IL34: variants seen among roughly 807,000 people sequenced by gnomAD.
IL34 encodes the protein interleukin 34.
Under a neutral mutation model 25.3 loss-of-function variants are expected in IL34, and 17 were observed. The ratio of observed to expected loss-of-function variants is 0.67; its 90% CI spans 0.46 to 1.01. IL34 has a LOEUF of 1.01. Among genes scored for constraint, IL34 ranks in the 50% least tolerant of loss-of-function variants. The pLI is 0.00. For missense variants in IL34, 368 were observed against 312.9 expected (o/e 1.18, Z -1.33); for synonymous variants, 174 against 140.9 (o/e 1.23, Z -1.66).
intron 1 of IL34, among the ~76,000 whole-genome samples, chr16:70,602,611 G>GTT: frequency 6.6e-6 from 1 of 151,958 alleles, no homozygotes; most frequent in South Asian, 2.1e-4. Flanking sequence ...GTGTGTGTGT[G>GTT]TGTGTGTGTG....
intron 1 of IL34, among the ~76,000 whole-genome samples, chr16:70,609,420 T>A (rs1465153363): frequency 6.6e-6 from 1 of 152,158 alleles, no homozygotes; most frequent in African/African-American, 2.4e-5. Context: ...GCTCGCAAGC[T>A]GTTAAGTCCT....
intron 1 of IL34, among the ~76,000 whole-genome samples, chr16:70,607,243 A>G (rs774471228): frequency 1.2e-4 from 19 of 152,074 alleles, no homozygotes; most frequent in Non-Finnish European, 2.6e-4. Context: ...CCGGGACTAC[A>G]GGTGCCCACC....
chr16:70,643,375 T>C (rs916886094), upstream of IL34, among the ~76,000 whole-genome samples: 1 of 151,934 alleles, frequency 6.6e-6, no homozygotes, highest in Non-Finnish European at 1.5e-5. Flanking sequence ...TTGCACACTT[T>C]ATTTATTTAT....
intron 1 of IL34, among the ~76,000 whole-genome samples, chr16:70,639,273 C>T (rs1324583422): frequency 1.1e-4 from 16 of 152,174 alleles, no homozygotes. Context: ...ACGTCCAGAA[C>T]CCAGCCAATC....
At chr16:70,644,983 T>G (rs1309420693), upstream of IL34, among the ~76,000 whole-genome samples, 2,767 of 64,322 alleles carry the variant, frequency 0.043, no homozygotes, top group Non-Finnish European at 0.051. Flanking sequence ...AGAAAGGGAG[T>G]AGGAGGAAGG....
chr16:70,649,793 A>ATTTTATTTTTATTTTTAT (rs10526861), intron 1 of IL34, among the ~76,000 whole-genome samples: 1 of 149,836 alleles, frequency 6.7e-6, no homozygotes, highest in African/African-American at 2.5e-5. Flanking sequence ...TTGTTTTATT[A>ATTTTATTTTTATTTTTAT]TTTTATTTTT....
intron 1 of IL34, among the ~76,000 whole-genome samples, chr16:70,609,164 G>A (rs1311474187): frequency 1.3e-5 from 2 of 152,062 alleles, no homozygotes; most frequent in African/African-American, 2.4e-5. Context: ...TGCAACCTCC[G>A]CCTCCCCGGT....
At chr16:70,633,200 A>G (rs2051558526) in intron 1 of IL34, among the ~76,000 whole-genome samples, 1 of 151,350 alleles carries the variant, frequency 6.6e-6, no homozygotes, top group Non-Finnish European at 1.5e-5. Context: ...CCTGAGCTCA[A>G]GTGATCTGTC....
intron 1 of IL34, among the ~76,000 whole-genome samples, chr16:70,620,398 T>G (rs1005126615): frequency 6.6e-6 from 1 of 152,040 alleles, no homozygotes; most frequent in Admixed American, 6.6e-5. Context: ...GGGGGAGGGC[T>G]AGTCACGCAA....
At chr16:70,596,493 A>C (rs1334074732) in intron 1 of IL34, among the ~76,000 whole-genome samples, 4 of 152,130 alleles carry the variant, frequency 2.6e-5, no homozygotes, top group African/African-American at 9.7e-5. Context: ...GGCCAAATCA[A>C]CTTCTCCCCA....
At chr16:70,634,157 CTCT>C (rs1236782249) in intron 1 of IL34, among the ~76,000 whole-genome samples, 2 of 152,032 alleles carry the variant, frequency 1.3e-5, no homozygotes, top group East Asian at 1.9e-4. Flanking sequence ...TGCAATCTCT[CTCT>C]TCTTATCAGG....
At position 70,660,128 on chromosome 16, in the gene IL34, C is replaced by A. The variant is rs1258846644; in HGVS notation, c.670C>A (p.Pro224Thr). The A allele has an allele frequency of 1.9e-6, 3 of 1,612,404 alleles. No individual in the cohort carries two copies. The highest frequency in any genetic ancestry group is 1.7e-5 in the Admixed American group (1 of 59,794). ...GCCCCCGTGGTCCCCCAGCTCCCCGCCTCACTCCACGGGCTCGGTGAGGCC... is the reference window on the plus strand; with the variant it reads ...GCCCCCGTGGTCCCCCAGCTCCCCGACTCACTCCACGGGCTCGGTGAGGCC... ...PPPPWSPSSP[P>T]HSTGSVRPVR... The change falls in exon 6 of 6, where the codon CCT (proline) becomes ACT (threonine). Residue 224 changes from proline (P) to threonine (T), a missense_variant. By Grantham distance (38) the Pro-to-Thr change is conservative. Coordinates refer to ENST00000288098, the MANE Select transcript of IL34 (RefSeq NM_001393494.1).
chr16:70,636,585 T>TCTCACACACACA (rs1232745844), intron 1 of IL34, among the ~76,000 whole-genome samples: 2 of 136,384 alleles, frequency 1.5e-5, no homozygotes, highest in Admixed American at 1.5e-4. Flanking sequence ...GCAAACCCTG[T>TCTCACACACACA]CACACACACA....
intron 1 of IL34, among the ~76,000 whole-genome samples, chr16:70,611,617 C>T (rs1397405461): frequency 6.6e-6 from 1 of 151,878 alleles, no homozygotes; most frequent in African/African-American, 2.4e-5. Flanking sequence ...TGGTAAGACC[C>T]CATATCTACA....
chr16:70,635,395 C>G (rs557678349), intron 1 of IL34, among the ~76,000 whole-genome samples: 2 of 152,324 alleles, frequency 1.3e-5, no homozygotes, highest in East Asian at 1.9e-4. Context: ...TTTCTTTTGT[C>G]TCCTGCTGCT....
intron 1 of IL34, among the ~76,000 whole-genome samples, chr16:70,631,251 G>A (rs557764657): frequency 6.7e-4 from 102 of 152,284 alleles, no homozygotes; most frequent in African/African-American, 2.3e-3. Flanking sequence ...GTGGACTGTT[G>A]TGGACATGGT....
At chr16:70,642,520 A>G (rs2051810482), upstream of IL34, among the ~76,000 whole-genome samples, 1 of 149,828 alleles carries the variant, frequency 6.7e-6, no homozygotes, top group African/African-American at 2.5e-5. Context: ...CTTGTCTTGA[A>G]CTCCTTACCT....
intron 1 of IL34, among the ~76,000 whole-genome samples, chr16:70,647,614 C>G (rs1017493523): frequency 2.0e-5 from 3 of 152,208 alleles, no homozygotes; most frequent in Non-Finnish European, 4.4e-5. Flanking sequence ...AAATTCAACA[C>G]ATTTTTCCGG....
intron 1 of IL34, among the ~76,000 whole-genome samples, chr16:70,585,085 CTATTA>C (rs1215457408): frequency 6.6e-6 from 1 of 152,170 alleles, no homozygotes; most frequent in Non-Finnish European, 1.5e-5. Flanking sequence ...CAGAAACTCT[CTATTA>C]AATGACTCCC....
Sources: gnomAD v4.1 joint callset for allele counts (sites outside exome capture counted in the v4.1 genomes callset) on GRCh38, gnomAD v4.1.1 for gene constraint, MANE v1.5 for transcripts, NCBI Gene and HGNC (gene_info 2026-07-23, HGNC 2026-07-21) for gene names.